PTPRM: variants seen among roughly 807,000 people sequenced by gnomAD.
PTPRM encodes receptor-type tyrosine-protein phosphatase mu.
A neutral mutation model predicts 186.7 loss-of-function variants in PTPRM; 47 were observed. The observed-to-expected ratio is 0.25, with a 90% confidence interval of 0.20 to 0.32. The LOEUF is 0.32. Ranked by LOEUF, PTPRM falls within the 10% of genes least tolerant of loss-of-function variation. The pLI, the probability that PTPRM is intolerant of heterozygous loss-of-function variation, is 1.00. For missense variants in PTPRM, 1,494 were observed against 1,865.0 expected, an observed-to-expected ratio of 0.80 and a Z score of 3.66; for synonymous variants, 668 against 674.9, an observed-to-expected ratio of 0.99 and a Z score of 0.16.
At chr18:7,927,560 G>A (rs992951842) in intron 5 of PTPRM, among the ~76,000 whole-genome samples, 3 of 151,638 alleles carry the variant, frequency 2.0e-5, no homozygotes, top group Admixed American at 6.6e-5. Context: ...TTCTGTGTAC[G>A]CGGTTGTGCT....
chr18:8,076,250 T>C (rs1320335744), intron 8 of PTPRM, among the ~76,000 whole-genome samples: 1 of 151,990 alleles, frequency 6.6e-6, no homozygotes, highest in Non-Finnish European at 1.5e-5. Context: ...TTAAAACTTT[T>C]AAGAAAAAAA....
At chr18:8,044,858 A>G (rs930288613) in intron 7 of PTPRM, among the ~76,000 whole-genome samples, 1 of 152,160 alleles carries the variant, frequency 6.6e-6, no homozygotes, top group African/African-American at 2.4e-5. Context: ...GAAAATAATA[A>G]GTGTTGGCCA....
intron 1 of PTPRM, among the ~76,000 whole-genome samples, chr18:7,596,186 T>C (rs1265821435): frequency 6.6e-6 from 1 of 152,132 alleles, no homozygotes; most frequent in East Asian, 1.9e-4. Flanking sequence ...ACAGGCACTG[T>C]CATACGGTGA....
chr18:8,318,285 CTTTTTTTTT>C (rs140026832), intron 21 of PTPRM, among the ~76,000 whole-genome samples: 1 of 59,906 alleles, frequency 1.7e-5, no homozygotes, highest in African/African-American at 7.4e-5. Flanking sequence ...TTGTTTCCTT[CTTTTTTTTT>C]TTTTTTTTTT....
At chr18:8,263,066 G>T (rs951717814) in intron 19 of PTPRM, among the ~76,000 whole-genome samples, 1 of 151,996 alleles carries the variant, frequency 6.6e-6, no homozygotes, top group African/African-American at 2.4e-5. Flanking sequence ...TGTTCCATTT[G>T]GTCATTTTAC....
intron 23 of PTPRM, among the ~76,000 whole-genome samples, chr18:8,355,405 A>G (rs3786370): frequency 0.038 from 5,820 of 152,108 alleles, 404 homozygotes; most frequent in African/African-American, 0.13. Context: ...CAACCACAGG[A>G]CCCTGGAGGG....
intron 1 of PTPRM, among the ~76,000 whole-genome samples, chr18:7,728,392 A>C (rs2040590529): frequency 6.6e-6 from 1 of 152,182 alleles, no homozygotes; most frequent in African/African-American, 2.4e-5. Flanking sequence ...TCCTGCAAGA[A>C]GGTTTCCACC....
At chr18:8,114,108 A>G (rs1358899335) in intron 12 of PTPRM, among the ~76,000 whole-genome samples, 1 of 152,174 alleles carries the variant, frequency 6.6e-6, no homozygotes, top group East Asian at 1.9e-4. Flanking sequence ...ATTTTGTGAG[A>G]TTCACAGCAT....
chr18:8,306,326 G>A (rs2147965442), intron 20 of PTPRM, among the ~76,000 whole-genome samples: 1 of 152,266 alleles, frequency 6.6e-6, no homozygotes, highest in East Asian at 1.9e-4. Flanking sequence ...TACAGATGAA[G>A]CTCAGCAGGA....
chr18:8,296,355 A>G lies in PTPRM; in HGVS notation c.2755-13A>G, dbSNP rs1024030819. 6.4e-7 allele frequency: 1 copy of G among 1,561,246 alleles called. No individual in the cohort carries two copies. Among genetic ancestry groups the G allele is most frequent in the Non-Finnish European group, 8.8e-7 (1 of 1,132,188 alleles). ...GCGCCAAATTGTAATTCTCAGTCTC[A>G]CTTTCCTTCTAGAGCTTCTTTGAAG... On this transcript the variant is annotated splice_polypyrimidine_tract_variant and intron_variant, in intron 19 of 32. Coordinates refer to ENST00000580170, the MANE Select transcript of PTPRM (RefSeq NM_001105244.2).
intron 14 of PTPRM, among the ~76,000 whole-genome samples, chr18:8,167,468 C>T (rs941830899): frequency 1.3e-5 from 2 of 152,238 alleles, no homozygotes; most frequent in South Asian, 4.1e-4. Context: ...ACAGCAAAGA[C>T]TGGGACTTGA....
chr18:7,669,526 G>A (rs760903570), intron 1 of PTPRM, among the ~76,000 whole-genome samples: 11 of 152,210 alleles, frequency 7.2e-5, no homozygotes, highest in East Asian at 1.9e-4. Context: ...TTGGGGTCAC[G>A]GTTTGCTTGG....
At chr18:8,074,155 A>G (rs1331549227) in intron 8 of PTPRM, among the ~76,000 whole-genome samples, 1 of 152,164 alleles carries the variant, frequency 6.6e-6, no homozygotes, top group East Asian at 1.9e-4. Flanking sequence ...CATACTATCT[A>G]TGAGTCCTTT....
chr18:7,611,596 G>T (rs975959564), intron 1 of PTPRM, among the ~76,000 whole-genome samples: 4 of 152,194 alleles, frequency 2.6e-5, no homozygotes, highest in African/African-American at 9.6e-5. Flanking sequence ...GCTTGATATG[G>T]TTAGGCTGTG....
intron 2 of PTPRM, among the ~76,000 whole-genome samples, chr18:7,847,053 A>G (rs573864430): frequency 6.0e-5 from 9 of 151,006 alleles, no homozygotes; most frequent in Non-Finnish European, 1.2e-4. Flanking sequence ...TTAGAATTTC[A>G]TCTGCAGTTA....
chr18:8,324,571 G>C (rs770601873), intron 22 of PTPRM, among the ~76,000 whole-genome samples: 2 of 152,196 alleles, frequency 1.3e-5, no homozygotes, highest in African/African-American at 2.4e-5. Flanking sequence ...CACAGAAAAG[G>C]TATTTGAACT....
At chr18:8,160,533 G>A (rs1270325919) in intron 14 of PTPRM, among the ~76,000 whole-genome samples, 1 of 152,124 alleles carries the variant, frequency 6.6e-6, no homozygotes, top group Non-Finnish European at 1.5e-5. Flanking sequence ...GGCCTCAAGT[G>A]ATCCTCCTGC....
intron 5 of PTPRM, among the ~76,000 whole-genome samples, chr18:7,948,093 T>A (rs1367895727): frequency 6.6e-6 from 1 of 150,488 alleles, no homozygotes; most frequent in East Asian, 2.0e-4. Flanking sequence ...TACTTATAAA[T>A]AACATGTTAA....
intron 1 of PTPRM, among the ~76,000 whole-genome samples, chr18:7,703,677 C>T (rs1310539136): frequency 6.6e-6 from 1 of 152,122 alleles, no homozygotes; most frequent in Non-Finnish European, 1.5e-5. Flanking sequence ...TTTCTCTTGC[C>T]TGATTGCCCT....
Sources: allele counts gnomAD v4.1 joint callset (sites outside exome capture counted in the v4.1 genomes callset), GRCh38; gene constraint gnomAD v4.1.1; transcripts MANE v1.5; gene names NCBI Gene and HGNC (gene_info 2026-07-23, HGNC 2026-07-21).